The following SNAP91 variants were observed in gnomAD, a reference collection of about 807,000 sequenced individuals.
The protein encoded by SNAP91 is clathrin coat assembly protein AP180.
A neutral mutation model predicts 100.3 loss-of-function variants in SNAP91; 27 were observed. The ratio of observed to expected loss-of-function variants is 0.27; its 90% CI spans 0.20 to 0.37. The LOEUF (loss-of-function observed/expected upper bound fraction) is 0.37, where lower values mean the gene tolerates loss of function less well. Ranked by LOEUF, SNAP91 falls within the 10% of genes least tolerant of loss-of-function variation. The pLI, the probability that SNAP91 is intolerant of heterozygous loss-of-function variation, is 1.00. For synonymous variants in SNAP91, 404 were observed against 398.6 expected (o/e 1.01, Z -0.16); for missense variants, 986 against 1,123.7 (o/e 0.88, Z 1.75).
chr6:83,596,903 T>C (rs2094538049), intron 16 of SNAP91, among the ~76,000 whole-genome samples: 3 of 152,192 alleles, frequency 2.0e-5, no homozygotes, highest in Admixed American at 2.0e-4. Flanking sequence ...TCTATTATAT[T>C]ACTCCCTTCT....
chr6:83,677,331 C>T (rs1404741590), intron 2 of SNAP91, among the ~76,000 whole-genome samples: 2 of 152,184 alleles, frequency 1.3e-5, no homozygotes, highest in Admixed American at 6.5e-5. Flanking sequence ...GCATCAGCAA[C>T]ACTTCAAAAT....
At chr6:83,575,355 G>A in intron 25 of SNAP91, 2 of 502,874 alleles carry the variant, frequency 4.0e-6, no homozygotes, top group East Asian at 3.8e-5. Flanking sequence ...AATAAGTATA[G>A]GAATTTCCTA....
At position 83,707,898 on chromosome 6, in the gene SNAP91, G is replaced by T. The variant is rs201562303; in HGVS notation, c.30C>A (p.Ile10=). 230 of 1,592,974 alleles carry T rather than the reference G, an allele frequency of 1.4e-4. No homozygotes were observed. In the African/African-American group the frequency reaches 3.0e-3, roughly 21 times the overall value. MSGQTLTDR[I]AAAQYSVTGS... The stretch of plus-strand genomic sequence containing the variant: ...CTGTAACGCTGTACTGAGCGGCGGC[G>T]ATCCGATCCGTGAGCGTTTGGCCCG... The change falls in exon 2 of 30, where the codon ATC becomes ATA. Residue 10 remains isoleucine, a synonymous_variant. Coordinates refer to ENST00000369694, the MANE Select transcript of SNAP91 (RefSeq NM_001242792.2).
intron 7 of SNAP91, among the ~76,000 whole-genome samples, chr6:83,646,847 T>A (rs2097938942): frequency 6.6e-6 from 1 of 152,164 alleles, no homozygotes; most frequent in South Asian, 2.1e-4. Context: ...CATTTATTAG[T>A]TGTTTGATTT....
intron 13 of SNAP91, among the ~76,000 whole-genome samples, chr6:83,606,249 C>A (rs556394436): frequency 2.0e-5 from 3 of 152,214 alleles, no homozygotes; most frequent in Non-Finnish European, 4.4e-5. Flanking sequence ...AAATTCATGT[C>A]TTGAGAAGAA....
At chr6:83,629,802 A>G (rs1481757960) in intron 8 of SNAP91, among the ~76,000 whole-genome samples, 1 of 152,140 alleles carries the variant, frequency 6.6e-6, no homozygotes, top group African/African-American at 2.4e-5. Context: ...ATCAGCAAGC[A>G]GCAACAGCTT....
At chr6:83,619,439 C>G (rs2096625952) in intron 9 of SNAP91, among the ~76,000 whole-genome samples, 1 of 152,122 alleles carries the variant, frequency 6.6e-6, no homozygotes, top group South Asian at 2.1e-4. Flanking sequence ...TTCCAAGGAG[C>G]AAAAACTTTG....
In SNAP91 at chr6:83,629,325, G is replaced by A. The variant is rs145963736; in HGVS notation, c.766-5983C>T. Among the ~76,000 whole-genome samples the A allele has an allele frequency of 7.1e-3, 1,076 of 152,186 alleles. 8 individuals are homozygous for A. Among genetic ancestry groups the A allele is most frequent in the African/African-American group, 0.024 (1,017 of 41,532 alleles). The stretch of plus-strand genomic sequence containing the variant: ...CCTCCAGATTTGTTCTTTTTGCTTA[G>A]TCTTGCTTTGGCTATGTGGGCTCTT... On this transcript the variant is annotated intron_variant, in intron 8 of 29. Coordinates refer to ENST00000369694, the MANE Select transcript of SNAP91 (RefSeq NM_001242792.2).
At chr6:83,602,884 G>A (rs540416759) in intron 14 of SNAP91, among the ~76,000 whole-genome samples, 2 of 152,164 alleles carry the variant, frequency 1.3e-5, no homozygotes, top group African/African-American at 2.4e-5. Context: ...AATGCATAAT[G>A]CATGCGGGGC....
At chr6:83,587,685 A>G (rs1434494551) in intron 22 of SNAP91, among the ~76,000 whole-genome samples, 1 of 152,150 alleles carries the variant, frequency 6.6e-6, no homozygotes, top group Non-Finnish European at 1.5e-5. Flanking sequence ...AAAACTCAGA[A>G]ACAGCCAATT....
intron 9 of SNAP91, among the ~76,000 whole-genome samples, chr6:83,622,871 G>C (rs1262428502): frequency 1.3e-5 from 2 of 152,044 alleles, no homozygotes; most frequent in Non-Finnish European, 2.9e-5. Context: ...TGTGACATCA[G>C]AGTTTTCCCT....
intron 1 of SNAP91, 197 bp downstream of exon 1, chr6:83,708,648 G>A (rs2099413899): frequency 1.3e-5 from 2 of 152,208 alleles, no homozygotes; most frequent in Admixed American, 6.6e-5. Context: ...AGGCGCCGGA[G>A]TCTTGGGGCG....
At chr6:83,671,589 C>A (rs59930718) in intron 2 of SNAP91, among the ~76,000 whole-genome samples, 3,151 of 152,104 alleles carry the variant, frequency 0.021, 112 homozygotes, top group African/African-American at 0.068. Flanking sequence ...AAGTATCAGT[C>A]TCTCTTTTTG....
At chr6:83,644,425 TA>T (rs2097839394) in intron 7 of SNAP91, among the ~76,000 whole-genome samples, 2 of 152,068 alleles carry the variant, frequency 1.3e-5, no homozygotes, top group Non-Finnish European at 2.9e-5. Context: ...GTGCAGGGCC[TA>T]AAAAAACTGG....
intron 7 of SNAP91, among the ~76,000 whole-genome samples, chr6:83,647,578 T>C (rs2097992134): frequency 6.6e-6 from 1 of 152,184 alleles, no homozygotes. Context: ...TTGTTGGATT[T>C]AATTTGCTAA....
chr6:83,557,238 G>T (rs925243231), intron 28 of SNAP91, among the ~76,000 whole-genome samples: 2 of 152,110 alleles, frequency 1.3e-5, no homozygotes, highest in Non-Finnish European at 2.9e-5. Context: ...AACATGCTGG[G>T]ACTGTGGGGC....
intron 22 of SNAP91, among the ~76,000 whole-genome samples, chr6:83,589,820 A>G (rs77881908): frequency 0.022 from 3,367 of 152,278 alleles, 106 homozygotes; most frequent in African/African-American, 0.074. Flanking sequence ...CTGAAGGCTG[A>G]TGAGGGTCTT....
chr6:83,667,891 G>A (rs1482244548), intron 2 of SNAP91, among the ~76,000 whole-genome samples: 3 of 152,092 alleles, frequency 2.0e-5, no homozygotes, highest in Non-Finnish European at 2.9e-5. Flanking sequence ...GAGTGGACAG[G>A]CAACCTACAG....
intron 26 of SNAP91, among the ~76,000 whole-genome samples, chr6:83,568,367 G>T (rs991653004): frequency 2.6e-5 from 4 of 152,028 alleles, no homozygotes; most frequent in Non-Finnish European, 5.9e-5. Context: ...AGTGGGGAGG[G>T]ATAGCATTAG....
Sources: allele counts gnomAD v4.1 joint callset (sites outside exome capture counted in the v4.1 genomes callset), GRCh38; gene constraint gnomAD v4.1.1; transcripts MANE v1.5; gene names NCBI Gene and HGNC (gene_info 2026-07-23, HGNC 2026-07-21).